NR6A1: variants seen among roughly 807,000 people sequenced by gnomAD.
NR6A1 encodes retinoic acid receptor-related testis-associated receptor.
In NR6A1, 7 loss-of-function variants were observed where a neutral mutation model predicts 59.1. The ratio of observed to expected loss-of-function variants is 0.12; its 90% CI spans 0.07 to 0.22. The LOEUF (loss-of-function observed/expected upper bound fraction) is 0.22, where lower values mean the gene tolerates loss of function less well. Ranked by LOEUF, NR6A1 falls within the 10% of genes least tolerant of loss-of-function variation. The pLI, the probability that NR6A1 is intolerant of heterozygous loss-of-function variation, is 1.00. For synonymous variants in NR6A1, 243 were observed against 236.1 expected, an observed-to-expected ratio of 1.03 and a Z score of -0.27; for missense variants, 468 against 611.6, an observed-to-expected ratio of 0.77 and a Z score of 2.48.
intron 2 of NR6A1, among the ~76,000 whole-genome samples, chr9:124,588,346 T>C (rs1220199306): frequency 6.6e-6 from 1 of 151,906 alleles, no homozygotes; most frequent in Admixed American, 6.5e-5. Flanking sequence ...CTCACTCTGT[T>C]GCCCAGACTG....
intron 2 of NR6A1, among the ~76,000 whole-genome samples, chr9:124,701,100 T>C (rs1838936991): frequency 6.6e-6 from 1 of 152,220 alleles, no homozygotes; most frequent in Admixed American, 6.5e-5. Flanking sequence ...TTTAATTCTC[T>C]TGGATATCCA....
intron 2 of NR6A1, among the ~76,000 whole-genome samples, chr9:124,630,037 A>G (rs2130878420): frequency 6.6e-6 from 1 of 152,342 alleles, no homozygotes; most frequent in East Asian, 1.9e-4. Context: ...CATACATGTT[A>G]TCAAGAGAGA....
chr9:124,680,515 T>A (rs569946689), intron 2 of NR6A1, among the ~76,000 whole-genome samples: 1 of 151,840 alleles, frequency 6.6e-6, no homozygotes, highest in East Asian at 1.9e-4. Context: ...AGAGGAAAAA[T>A]GAAGTCGCTA....
chr9:124,747,879 C>T (rs893026501), intron 1 of NR6A1, among the ~76,000 whole-genome samples: 3 of 152,226 alleles, frequency 2.0e-5, no homozygotes, highest in Non-Finnish European at 4.4e-5. Context: ...GCTCCTCTCT[C>T]TTCCTGGAAT....
At chr9:124,738,325 C>CCTGT (rs1419404371) in intron 1 of NR6A1, among the ~76,000 whole-genome samples, 3 of 152,084 alleles carry the variant, frequency 2.0e-5, no homozygotes, top group Non-Finnish European at 4.4e-5. Flanking sequence ...CCCAAACCCA[C>CCTGT]CTGTCGCACA....
intron 2 of NR6A1, among the ~76,000 whole-genome samples, chr9:124,725,531 A>C (rs140880150): frequency 1.3e-5 from 2 of 152,358 alleles, no homozygotes; most frequent in African/African-American, 4.8e-5. Context: ...TTAGCAACGA[A>C]GTATTTCCTG....
intron 2 of NR6A1, among the ~76,000 whole-genome samples, chr9:124,633,754 T>C (rs1836515001): frequency 1.3e-5 from 2 of 152,210 alleles, no homozygotes; most frequent in African/African-American, 4.8e-5. Flanking sequence ...TGCCAACTGC[T>C]AAATCCATTT....
chr9:124,595,891 C>T (rs1835257880), intron 2 of NR6A1: 1 of 1,080,262 alleles, frequency 9.3e-7, no homozygotes, highest in Non-Finnish European at 1.2e-6. Flanking sequence ...GGGACTACGA[C>T]AGTCATCCTC....
rs546585194 is a variant in NR6A1, at chr9:124,608,371, T to C, written c.143-53801A>G. 1.5e-3 allele frequency among the ~76,000 whole-genome samples: 227 copies of C among 152,186 alleles called. 1 individual carries two copies. The highest frequency in any genetic ancestry group is 5.3e-3 in the African/African-American group (220 of 41,542). On this transcript the variant is annotated intron_variant, in intron 2 of 9. Coordinates refer to ENST00000487099, the MANE Select transcript of NR6A1 (RefSeq NM_033334.4). ...TGTGTTCACGTTGTTTAGCTCCTACTTATAAATGAGAACATGCAGTGTTTG... is the reference window on the plus strand; with the variant it reads ...TGTGTTCACGTTGTTTAGCTCCTACCTATAAATGAGAACATGCAGTGTTTG...
At chr9:124,729,834 C>CG (rs1564257280) in intron 2 of NR6A1, among the ~76,000 whole-genome samples, 1 of 144,642 alleles carries the variant, frequency 6.9e-6, no homozygotes, top group African/African-American at 2.6e-5. Flanking sequence ...TTTTTTGAGA[C>CG]GGAGTCTCGC....
chr9:124,620,365 G>A (rs1289637500), intron 2 of NR6A1, among the ~76,000 whole-genome samples: 1 of 152,092 alleles, frequency 6.6e-6, no homozygotes, highest in African/African-American at 2.4e-5. Flanking sequence ...ATTCCCAAGA[G>A]AAATGAAAAC....
intron 2 of NR6A1, among the ~76,000 whole-genome samples, chr9:124,710,743 G>T (rs1198714324): frequency 1.3e-5 from 2 of 152,144 alleles, no homozygotes. Flanking sequence ...ACTAAGCCTA[G>T]TTGCCAAAAA....
At chr9:124,644,309 A>G (rs2094373) in intron 2 of NR6A1, among the ~76,000 whole-genome samples, 137,116 of 137,536 alleles carry the variant, frequency 1, 68,352 homozygotes, top group Middle Eastern at 1. Flanking sequence ...GTTTCGCTCT[A>G]TTGCCATGCT....
At chr9:124,650,173 A>G (rs902193707) in intron 2 of NR6A1, among the ~76,000 whole-genome samples, 1 of 152,360 alleles carries the variant, frequency 6.6e-6, no homozygotes, top group Admixed American at 6.5e-5. Flanking sequence ...AACAGCCAAG[A>G]TATCAGACAT....
chr9:124,755,332 A>G (rs1840604958), intron 1 of NR6A1, among the ~76,000 whole-genome samples: 1 of 152,150 alleles, frequency 6.6e-6, no homozygotes, highest in African/African-American at 2.4e-5. Context: ...TGTATTAACA[A>G]CTTTTTCCGT....
chr9:124,573,390 C>T (rs1588677633), intron 2 of NR6A1, among the ~76,000 whole-genome samples: 1 of 152,208 alleles, frequency 6.6e-6, no homozygotes, highest in African/African-American at 2.4e-5. Context: ...ACAGCTTGGA[C>T]TATTATTAAG....
chr9:124,599,569 GGCAGCCGC>G (rs1342678915), intron 2 of NR6A1: 1 of 964,472 alleles, frequency 1.0e-6, no homozygotes. Flanking sequence ...GAGTGTCCGT[GGCAGCCGC>G]CATGAGGGCG....
At chr9:124,702,082 TTAA>T (rs1838976376) in intron 2 of NR6A1, among the ~76,000 whole-genome samples, 1 of 152,224 alleles carries the variant, frequency 6.6e-6, no homozygotes, top group Non-Finnish European at 1.5e-5. Context: ...TCCCATTTTC[TTAA>T]TAACGTATTT....
chr9:124,659,294 C>T (rs888235008), intron 2 of NR6A1, among the ~76,000 whole-genome samples: 5 of 128,770 alleles, frequency 3.9e-5, no homozygotes, highest in East Asian at 2.5e-4. Context: ...AGCGGGGGGG[C>T]GGGTAGGGAC....
Sources: allele counts gnomAD v4.1 joint callset (sites outside exome capture counted in the v4.1 genomes callset), GRCh38; gene constraint gnomAD v4.1.1; transcripts MANE v1.5; gene names NCBI Gene and HGNC (gene_info 2026-07-23, HGNC 2026-07-21).